Variants in ABCA9 observed in about 807,000 individuals in gnomAD.
ABCA9 encodes the protein ATP binding cassette subfamily A member 9.
In ABCA9, 183 loss-of-function variants were observed where a neutral mutation model predicts 205.3. The ratio of observed to expected loss-of-function variants is 0.89; its 90% confidence interval spans 0.79 to 1.01. The LOEUF (loss-of-function observed/expected upper bound fraction) is 1.01, where lower values mean the gene tolerates loss of function less well. Among genes scored for constraint, ABCA9 ranks in the 50% least tolerant of loss-of-function variants. The probability of loss-of-function intolerance (pLI) is 0.00; values close to 1 mark genes in which losing one functional copy is unlikely to be tolerated. For synonymous variants in ABCA9, 651 were observed against 683.3 expected (o/e 0.95, Z 0.74); for missense variants, 1,805 against 1,912.4 (o/e 0.94, Z 1.05).
At chr17:68,982,729 G>C (rs1168098219) in intron 36 of ABCA9, 88 bp from the exon 37 acceptor site, 2 of 1,079,346 alleles carry the variant, frequency 1.9e-6, no homozygotes, top group Non-Finnish European at 2.8e-6. Context: ...ACAAGGCTAG[G>C]CATGGTGGCC....
At chr17:68,985,240 G>T in intron 32 of ABCA9, 112 bp from the exon 33 acceptor site, 1 of 1,412,246 alleles carries the variant, frequency 7.1e-7, no homozygotes, top group Non-Finnish European at 9.9e-7. Flanking sequence ...AGTGGTCAGA[G>T]TGGTCATAAA....
chr17:69,030,776 T>C (rs1402084142), intron 10 of ABCA9, among the ~76,000 whole-genome samples: 1 of 152,220 alleles, frequency 6.6e-6, no homozygotes, highest in Non-Finnish European at 1.5e-5. Flanking sequence ...ATTTTTTCCA[T>C]ATGTTTTGAT....
chr17:69,068,421 G>A, the ABCA9 span, among the ~76,000 whole-genome samples: 1 of 152,162 alleles, frequency 6.6e-6, no homozygotes, highest in African/African-American at 2.4e-5. Context: ...CTATGCTAAT[G>A]TGAATGCTCC....
At chr17:69,070,395 G>C in the ABCA9 span, among the ~76,000 whole-genome samples, 2 of 152,202 alleles carry the variant, frequency 1.3e-5, no homozygotes, top group African/African-American at 4.8e-5. Context: ...GAGGTACCCA[G>C]TTCATCTCAC....
At position 69,019,043 on chromosome 17, in the gene ABCA9, CCCTT is replaced by C. The variant is rs553817318; in HGVS notation, c.2601-468_2601-465del. Among the ~76,000 whole-genome samples, 647 of 152,208 alleles carry C rather than the reference CCCTT, an allele frequency of 4.3e-3. 5 individuals carry two copies. The highest frequency in any genetic ancestry group is 0.011 in the Admixed American group (164 of 15,266). ...TCAATCATTTTCCACCCATTTCTCT[CCCTT>C]AAGTTTATTTTCTAATATTTGGAAA... On this transcript the variant is annotated intron_variant, in intron 19 of 38. Transcript: ENST00000340001.
chr17:68,977,248 A>G (rs1375479821), intron 37 of ABCA9, among the ~76,000 whole-genome samples: 1 of 151,996 alleles, frequency 6.6e-6, no homozygotes, highest in Non-Finnish European at 1.5e-5. Context: ...AGGATGCATC[A>G]CCCACCCCGG....
Position 69,028,534 on chromosome 17 carries a change from C to A in ABCA9, c.1615+1G>T, listed in dbSNP as rs768793413. The A allele has an allele frequency of 3.8e-6, 6 of 1,577,056 alleles. No homozygotes were observed. The stretch of plus-strand genomic sequence containing the variant: ...TTGTCCTTGGATAACTGTCTTCTTA[C>A]CTGATGTTGGAACTGACAACCCACT... On this transcript the variant is annotated splice_donor_variant, in intron 12 of 38. Coordinates refer to ENST00000340001, the MANE Select transcript of ABCA9 (RefSeq NM_080283.4). LOFTEE classifies it high-confidence loss of function.
At chr17:69,057,305 T>C (rs1191556992) in intron 1 of ABCA9, among the ~76,000 whole-genome samples, 1 of 152,200 alleles carries the variant, frequency 6.6e-6, no homozygotes, top group East Asian at 1.9e-4. Context: ...GGATAATCAT[T>C]TGTAGGCACC....
chr17:69,049,878 T>C (rs2144500982), intron 2 of ABCA9, among the ~76,000 whole-genome samples: 1 of 152,278 alleles, frequency 6.6e-6, no homozygotes, highest in Non-Finnish European at 1.5e-5. Context: ...AGCAAGATCA[T>C]ATCATATTTT....
chr17:69,041,193 G>T (rs954629437), intron 6 of ABCA9, among the ~76,000 whole-genome samples: 1 of 152,060 alleles, frequency 6.6e-6, no homozygotes, highest in Non-Finnish European at 1.5e-5. Flanking sequence ...AGGGCTAATT[G>T]TAATAACTCC....
chr17:69,014,619 T>G lies in ABCA9; in HGVS notation c.3039+1634A>C, dbSNP rs536037361. Among the ~76,000 whole-genome samples, 4 of 152,146 alleles carry G rather than the reference T, an allele frequency of 2.6e-5. No homozygotes were observed. The South Asian group carries it at 8.3e-4, about 32-fold the overall frequency. The stretch of plus-strand genomic sequence containing the variant: ...AAGAAATTTTTGAAGGAAGCAGGAC[T>G]GCTGAAACGTGGCTTGAAAAAAACA... On this transcript the variant is annotated intron_variant, in intron 22 of 38. Coordinates refer to ENST00000340001, the MANE Select transcript of ABCA9 (RefSeq NM_080283.4).
At chr17:69,044,720 C>T (rs945713921) in intron 4 of ABCA9, 120 bp from the exon 5 acceptor site, 2 of 821,950 alleles carry the variant, frequency 2.4e-6, no homozygotes, top group African/African-American at 1.7e-5. Flanking sequence ...GGTAAGTCTT[C>T]TCAGTTGAGA....
chr17:69,050,344 AC>A (rs2071861999), intron 2 of ABCA9, among the ~76,000 whole-genome samples: 3 of 4,796 alleles, frequency 6.3e-4, no homozygotes, highest in African/African-American at 8.8e-4. Context: ...ACACACACGA[AC>A]ACACACACAC....
At chr17:69,037,298 C>T (rs148826151) in intron 6 of ABCA9, among the ~76,000 whole-genome samples, 9 of 151,994 alleles carry the variant, frequency 5.9e-5, no homozygotes, top group East Asian at 1.9e-4. Context: ...ATTCTAAAAT[C>T]GACTACATAA....
chr17:69,018,883 ATTTC>A (rs2070726718), intron 19 of ABCA9, among the ~76,000 whole-genome samples: 2 of 151,860 alleles, frequency 1.3e-5, no homozygotes, highest in Non-Finnish European at 2.9e-5. Flanking sequence ...TCAGTCATGC[ATTTC>A]TTTCTTTTTC....
At chr17:69,026,134 G>A (rs184700427) in intron 16 of ABCA9, among the ~76,000 whole-genome samples, 198 of 152,210 alleles carry the variant, frequency 1.3e-3, no homozygotes, top group Non-Finnish European at 1.7e-3. Flanking sequence ...CAAGCAACAC[G>A]TTGTGAAAAT....
rs2071625800 is a variant in ABCA9, at chr17:69,043,782, A to G, written c.574-67T>C. The G allele has an allele frequency of 1.5e-6, 2 of 1,295,330 alleles. 1 individual carries two copies. Among genetic ancestry groups the G allele is most frequent in the South Asian group, 2.9e-5 (2 of 69,210 alleles). The allele number at this position is 1,295,330 out of a possible 1,614,324, so 80.2% of individuals were successfully genotyped here. A position where few individuals can be genotyped will look rare whatever the true frequency, so the allele number is the denominator to read the frequency against. ...AATTCCAACCTTAGGCTTTTTCTCTAAATTATAAGGAATCACGTACATTCT... is the reference window on the plus strand; with the variant it reads ...AATTCCAACCTTAGGCTTTTTCTCTGAATTATAAGGAATCACGTACATTCT... On this transcript the variant is annotated intron_variant, in intron 5 of 38. Transcript: ENST00000340001.
chr17:69,007,246 CA>C (rs1169495107), intron 25 of ABCA9, among the ~76,000 whole-genome samples: 1 of 151,988 alleles, frequency 6.6e-6, no homozygotes, highest in East Asian at 1.9e-4. Flanking sequence ...ACTAAAAATA[CA>C]AAAATTAGCC....
In ABCA9 at chr17:69,018,539, C is replaced by T. The variant is rs2070712820; in HGVS notation, c.2641G>A (p.Glu881Lys). 1.2e-6 allele frequency: 2 copies of T among 1,601,800 alleles called. No individual in the cohort carries two copies. Among genetic ancestry groups the T allele is most frequent in the Admixed American group, 1.8e-5 (1 of 56,528 alleles). The change falls in exon 20 of 39, where the codon GAA (glutamate) becomes AAA (lysine). Residue 881 changes from glutamate to lysine, a missense_variant. Coordinates refer to ENST00000340001, the MANE Select transcript of ABCA9 (RefSeq NM_080283.4). ...TGATATGACTCGTAGAATAGATGTT[C>T]CAAAAGTTGAGGGATAAAGCTAATA... ...FGISFIPQLL[E>K]HLFYESYQKS...
Sources: gnomAD v4.1 joint callset for allele counts (sites outside exome capture counted in the v4.1 genomes callset) on GRCh38, gnomAD v4.1.1 for gene constraint, MANE v1.5 for transcripts, NCBI Gene and HGNC (gene_info 2026-07-23, HGNC 2026-07-21) for gene names.